The following SPO11 variants were observed in gnomAD, a reference collection of about 807,000 sequenced individuals.
The protein encoded by SPO11 is meiotic recombination protein SPO11.
A neutral mutation model predicts 51.6 loss-of-function variants in SPO11; 49 were observed. The ratio of observed to expected loss-of-function variants is 0.95; its 90% CI spans 0.75 to 1.20. The LOEUF is 1.20. SPO11 is among the 50% of genes most tolerant of loss of function. SPO11 has a pLI of 0.00. For missense variants in SPO11, 431 were observed against 473.4 expected (o/e 0.91, Z 0.83); for synonymous variants, 176 against 158.2 (o/e 1.11, Z -0.84).
At chr20:57,331,590 A>C (rs1487751306) in intron 1 of SPO11, among the ~76,000 whole-genome samples, 1 of 152,252 alleles carries the variant, frequency 6.6e-6, no homozygotes, top group Non-Finnish European at 1.5e-5. Flanking sequence ...ATTACAAGCA[A>C]ATGAAATTTA....
At chr20:57,337,704 T>C (rs1257404214) in intron 8 of SPO11, 1 of 1,280,792 alleles carries the variant, frequency 7.8e-7, no homozygotes, top group Non-Finnish European at 1.0e-6. Flanking sequence ...AGTCCTTCAG[T>C]CTGTTTGTAT....
At chr20:57,330,111 G>T (rs1406906050) in intron 1 of SPO11, 113 bp downstream of exon 1, 1 of 1,387,946 alleles carries the variant, frequency 7.2e-7, no homozygotes, top group East Asian at 2.5e-5. Context: ...CCCTTGGCGG[G>T]CCAGCCAGGA....
In SPO11 at chr20:57,343,889, T is replaced by C. The variant is rs1000148419; in HGVS notation, c.*429T>C. On this transcript the variant is annotated 3_prime_UTR_variant, in exon 13 of 13. Coordinates refer to ENST00000371263, the MANE Select transcript of SPO11 (RefSeq NM_012444.3). ...CAAATGAATTGTGGTGTCCGGTAGT[T>C]TCTTCTTACATTTTCCTTTGCCTTT... The C allele has an allele frequency of 6.5e-5, 10 of 152,854 alleles. No individual in the cohort carries two copies. Among genetic ancestry groups the C allele is most frequent in the African/African-American group, 2.4e-4 (10 of 41,462 alleles). The allele number at this position is 152,854 out of a possible 1,614,324, so 9.5% of individuals were successfully genotyped here.
chr20:57,332,582 G>A (rs1337622026), intron 2 of SPO11, among the ~76,000 whole-genome samples: 3 of 152,202 alleles, frequency 2.0e-5, no homozygotes, highest in African/African-American at 7.2e-5. Context: ...GTTGTTTTAT[G>A]ATCTATATAA....
At position 57,335,824 on chromosome 20, in the gene SPO11, T is replaced by A. The variant is rs750663128; in HGVS notation, c.661T>A (p.Leu221Ile). The A allele has an allele frequency of 8.1e-6, 13 of 1,612,204 alleles. No individual in the cohort carries two copies. Among genetic ancestry groups the A allele is most frequent in the Non-Finnish European group, 1.0e-5 (12 of 1,178,712 alleles). ...RNLVTDAKFV[L>I]IVEKDATFQR... ...TTTAGTTACAGATGCAAAGTTTGTATTAATTGTAGAAAAAGATGCAACATT... is the reference window on the plus strand; with the variant it reads ...TTTAGTTACAGATGCAAAGTTTGTAATAATTGTAGAAAAAGATGCAACATT... Residue 221 changes from leucine to isoleucine, a missense_variant, in exon 8 of 13, where the codon TTA becomes ATA. Leu to Ile is a conservative substitution (Grantham distance 5). This residue lies in a region of SPO11 where 405 missense variants were observed against 425.9 expected (regional missense o/e 0.95). Coordinates refer to ENST00000371263, the MANE Select transcript of SPO11 (RefSeq NM_012444.3).
In SPO11 at chr20:57,334,877, T is replaced by C. The variant is rs2146085708; in HGVS notation, c.597+41T>C. ...GAAGTTTTCACAGCTTTAACTCTTC[T>C]AGCTCCTTCAGTTTTGAAGCATAAT... On this transcript the variant is annotated intron_variant, in intron 6 of 12. Transcript: ENST00000371263. 2.6e-6 allele frequency: 4 copies of C among 1,514,514 alleles called. No individual in the cohort carries two copies. In the South Asian group the frequency reaches 3.5e-5, roughly 13 times the overall value. The allele number at this position is 1,514,514 out of a possible 1,614,324, so 93.8% of individuals were successfully genotyped here.
At chr20:57,338,659 G>T (rs2146094922) in intron 9 of SPO11, among the ~76,000 whole-genome samples, 1 of 151,952 alleles carries the variant, frequency 6.6e-6, no homozygotes, top group Middle Eastern at 3.4e-3. Flanking sequence ...TGGCCAGGCT[G>T]GTCTCGAACT....
Position 57,335,802 on chromosome 20 carries a change from A to T in SPO11, c.639A>T (p.Leu213Phe). ...TTATCAGCCTTAACTTCACAGATTTAGTTACAGATGCAAAGTTTGTATTAA... is the reference window on the plus strand; with the variant it reads ...TTATCAGCCTTAACTTCACAGATTTTGTTACAGATGCAAAGTTTGTATTAA... ...VPSNIQGIRN[L>F]VTDAKFVLIV... Residue 213 changes from leucine (L) to phenylalanine (F), a missense_variant, in exon 8 of 13, where the codon TTA becomes TTT. Leu to Phe is a conservative substitution (Grantham distance 22, BLOSUM62 0). Transcript: ENST00000371263. 6.3e-7 allele frequency: 1 copy of T among 1,591,094 alleles called. No homozygotes were observed. Among genetic ancestry groups the T allele is most frequent in the Non-Finnish European group, 8.6e-7 (1 of 1,161,096 alleles).
intron 8 of SPO11, 34 bp downstream of exon 8, chr20:57,335,941 T>A: frequency 8.4e-7 from 1 of 1,193,082 alleles, no homozygotes; most frequent in Non-Finnish European, 1.3e-6. Flanking sequence ...ATTCCAAGAC[T>A]AATGTATACT....
In SPO11 at chr20:57,333,203, G is replaced by A; in HGVS notation, c.261G>A (p.Val87=). 1 of 1,601,900 alleles carries A rather than the reference G, an allele frequency of 6.2e-7. No homozygotes were observed. The highest frequency in any genetic ancestry group is 8.5e-7 in the Non-Finnish European group (1 of 1,176,648). Residue 87 remains valine (V), a synonymous_variant, in exon 3 of 13, where the codon GTG becomes GTA. Coordinates refer to ENST00000371263, the MANE Select transcript of SPO11 (RefSeq NM_012444.3). ...AAAATGACAGGTTTGAAGATTCTGTGGGTCTTCAGATGGTATCCCATTGCA... is the reference window on the plus strand; with the variant it reads ...AAAATGACAGGTTTGAAGATTCTGTAGGTCTTCAGATGGTATCCCATTGCA... The part of the protein sequence containing the change: ...SWENIKFEDS[V]GLQMVSHCTT...
At chr20:57,332,800 T>G (rs1317821111) in intron 2 of SPO11, among the ~76,000 whole-genome samples, 1 of 152,184 alleles carries the variant, frequency 6.6e-6, no homozygotes, top group Non-Finnish European at 1.5e-5. Context: ...GCTTATTAAA[T>G]TGAGTAAAAT....
At chr20:57,339,842 C>G (rs959672117) in intron 10 of SPO11, among the ~76,000 whole-genome samples, 3 of 152,126 alleles carry the variant, frequency 2.0e-5, no homozygotes, top group African/African-American at 7.2e-5. Context: ...GAGCTCAAGC[C>G]ATCCTCCCGC....
chr20:57,343,516 T>A lies in SPO11; in HGVS notation c.*56T>A. On this transcript the variant is annotated 3_prime_UTR_variant, in exon 13 of 13. Transcript: ENST00000371263. ...AGGCTTTTCATTAGTTTTGTTTTGA[T>A]TGGCAAATACTATTGTGGAAAGAAC... is the stretch of plus-strand genomic sequence containing the variant. 2 of 1,526,254 alleles carry A rather than the reference T, an allele frequency of 1.3e-6. No individual in the cohort carries two copies. The highest frequency in any genetic ancestry group is 1.8e-6 in the Non-Finnish European group (2 of 1,132,186). The allele number at this position is 1,526,254 out of a possible 1,614,324, so 94.5% of individuals were successfully genotyped here.
chr20:57,336,085 C>T (rs2066509332), intron 8 of SPO11, among the ~76,000 whole-genome samples, 178 bp downstream of exon 8: 2 of 152,176 alleles, frequency 1.3e-5, no homozygotes, highest in South Asian at 4.2e-4. Context: ...TGGCTATCAC[C>T]TCAAGTTCTT....
Position 57,332,125 on chromosome 20 carries a change from T to C in SPO11, c.245+179T>C, listed in dbSNP as rs558503548. On this transcript the variant is annotated intron_variant, in intron 2 of 12. Coordinates refer to ENST00000371263, the MANE Select transcript of SPO11 (RefSeq NM_012444.3). ...AGAGGTTATGTAAACTAGAAGTAGG[T>C]GTGAAAGATGAGGCAAAGGAAAACA... 3.3e-5 allele frequency among the ~76,000 whole-genome samples: 5 copies of C among 152,144 alleles called. No individual in the cohort carries two copies. In the East Asian group the frequency reaches 9.6e-4, roughly 29 times the overall value.
intron 4 of SPO11, 102 bp from the exon 5 acceptor site, chr20:57,333,885 G>A: frequency 1.1e-6 from 1 of 902,932 alleles, no homozygotes; most frequent in Non-Finnish European, 1.7e-6. Flanking sequence ...TTTATATGTT[G>A]TGTTTTCATC....
At chr20:57,333,410 T>G (rs28368075) in intron 3 of SPO11, 134 bp downstream of exon 3, 18,693 of 675,698 alleles carry the variant, frequency 0.028, 402 homozygotes, top group African/African-American at 0.089. Flanking sequence ...TAAATTTCTA[T>G]AATTTTTCAT....
At chr20:57,339,249 G>A (rs1483242157) in intron 10 of SPO11, among the ~76,000 whole-genome samples, 1 of 151,934 alleles carries the variant, frequency 6.6e-6, no homozygotes, top group Non-Finnish European at 1.5e-5. Flanking sequence ...ATTAGCTGTG[G>A]GCAAGCAGCA....
intron 4 of SPO11, 66 bp from the exon 5 acceptor site, chr20:57,333,921 C>A: frequency 1.9e-6 from 2 of 1,039,834 alleles, no homozygotes; most frequent in South Asian, 1.8e-5. Context: ...TCAATTAACA[C>A]TGTAATACTT....
Sources: gnomAD v4.1 joint callset for allele counts (sites outside exome capture counted in the v4.1 genomes callset) on GRCh38, gnomAD v4.1.1 for gene constraint, gnomAD v4.1.1 regional missense constraint, MANE v1.5 for transcripts, NCBI Gene and HGNC (gene_info 2026-07-23, HGNC 2026-07-21) for gene names.